The following ADORA2B variants were observed in gnomAD, a reference collection of about 807,000 sequenced individuals.
ADORA2B encodes adenosine receptor A2b.
ADORA2B carries 18 observed loss-of-function variants against 20.8 expected under a neutral mutation model. The observed-to-expected ratio is 0.87, with a 90% confidence interval of 0.60 to 1.29. The LOEUF is 1.29. Among genes scored for constraint, ADORA2B ranks in the 50% most tolerant of loss-of-function variants. The pLI is 0.00. For missense variants in ADORA2B, 441 were observed against 422.7 expected, an observed-to-expected ratio of 1.04 and a Z score of -0.38; for synonymous variants, 179 against 178.3, an observed-to-expected ratio of 1.00 and a Z score of -0.03.
chr17:15,865,052 TA>T, the ADORA2B span, among the ~76,000 whole-genome samples: 5 of 151,926 alleles, frequency 3.3e-5, no homozygotes, highest in Non-Finnish European at 7.4e-5. Context: ...AGGCCCTACA[TA>T]AATGAGCCTC....
chr17:15,975,366 A>G lies in ADORA2B; in HGVS notation c.*24A>G. ...GATCTAGGCTCTCGCCTCTTCCAGG[A>G]GAAGATACAAATCCACAAGAAACAA... On this transcript the variant is annotated 3_prime_UTR_variant, in exon 2 of 2. Coordinates refer to ENST00000304222, the MANE Select transcript of ADORA2B (RefSeq NM_000676.4). 1.3e-6 allele frequency: 2 copies of G among 1,591,908 alleles called. No individual in the cohort carries two copies. Among genetic ancestry groups the G allele is most frequent in the East Asian group, 2.2e-5 (1 of 44,660 alleles).
chr17:15,946,119 AGCTTCAGAACGTGTCT>A (rs1478989051), intron 1 of ADORA2B, among the ~76,000 whole-genome samples: 1 of 152,220 alleles, frequency 6.6e-6, no homozygotes, highest in East Asian at 1.9e-4. Flanking sequence ...CGCATGAGCC[AGCTTCAGAACGTGTCT>A]GCTGCGGAGA....
At chr17:15,956,712 C>T (rs1969971129) in intron 1 of ADORA2B, among the ~76,000 whole-genome samples, 1 of 149,702 alleles carries the variant, frequency 6.7e-6, no homozygotes. Flanking sequence ...TCTCTTGCCT[C>T]AGCCTCCCAA....
At chr17:15,924,748 AAAAGTT>A in the ADORA2B span, among the ~76,000 whole-genome samples, 23,710 of 139,254 alleles carry the variant, frequency 0.17, 2,057 homozygotes, top group Non-Finnish European at 0.2. Flanking sequence ...TCAAAAAAAA[AAAAGTT>A]AAGTAGTATT....
the ADORA2B span, among the ~76,000 whole-genome samples, chr17:15,909,206 C>T: frequency 1.3e-5 from 2 of 151,394 alleles, no homozygotes; most frequent in Non-Finnish European, 2.9e-5. Context: ...AAAAAAACAG[C>T]AACAACAACA....
chr17:15,943,729 C>CACATACA (rs1394549062), upstream of ADORA2B, among the ~76,000 whole-genome samples: 2 of 152,208 alleles, frequency 1.3e-5, no homozygotes, highest in Non-Finnish European at 2.9e-5. Flanking sequence ...AACCGTACAA[C>CACATACA]CATCACCACA....
the ADORA2B span, among the ~76,000 whole-genome samples, chr17:15,883,989 G>A: frequency 1.3e-5 from 2 of 152,196 alleles, no homozygotes; most frequent in Non-Finnish European, 2.9e-5. Flanking sequence ...CCATGAGTCA[G>A]GCATTTTATA....
At chr17:15,951,867 C>G (rs1052155121) in intron 1 of ADORA2B, among the ~76,000 whole-genome samples, 3 of 152,170 alleles carry the variant, frequency 2.0e-5, no homozygotes, top group African/African-American at 4.8e-5. Context: ...AGGGCCCGCT[C>G]AAGCCACCCT....
At chr17:15,914,556 CAT>C in the ADORA2B span, among the ~76,000 whole-genome samples, 2 of 152,338 alleles carry the variant, frequency 1.3e-5, no homozygotes, top group East Asian at 1.9e-4. Flanking sequence ...AGCCAATAAT[CAT>C]GTGCCCCAGA....
the ADORA2B span, among the ~76,000 whole-genome samples, chr17:15,867,655 A>G: frequency 2.6e-3 from 380 of 145,764 alleles, 3 homozygotes; most frequent in African/African-American, 9.3e-3. Flanking sequence ...CAGCCGCCCC[A>G]TCCGGGAGGG....
At chr17:15,855,960 A>C in the ADORA2B span, among the ~76,000 whole-genome samples, 47 of 151,674 alleles carry the variant, frequency 3.1e-4, no homozygotes, top group Admixed American at 2.1e-3. Context: ...TGCCCTCCCC[A>C]CAACCTCTGG....
chr17:15,918,652 A>G, the ADORA2B span, among the ~76,000 whole-genome samples: 3,628 of 152,040 alleles, frequency 0.024, 62 homozygotes, highest in Non-Finnish European at 0.033. Flanking sequence ...TTGTATTTTT[A>G]GTAGATATGG....
the ADORA2B span, among the ~76,000 whole-genome samples, chr17:15,936,219 G>T: frequency 1.3e-5 from 2 of 151,746 alleles, no homozygotes; most frequent in Non-Finnish European, 2.9e-5. Context: ...ATATCTATTT[G>T]ATTCTTCATC....
At chr17:15,927,192 C>CA in the ADORA2B span, among the ~76,000 whole-genome samples, 1 of 150,624 alleles carries the variant, frequency 6.6e-6, no homozygotes, top group African/African-American at 2.4e-5. Context: ...ACTAAAAATA[C>CA]AAAAAATTAG....
chr17:15,926,464 G>A, the ADORA2B span, among the ~76,000 whole-genome samples: 3 of 152,044 alleles, frequency 2.0e-5, no homozygotes, highest in African/African-American at 7.2e-5. Flanking sequence ...AAAGGTATGC[G>A]GGGGGAACCA....
At chr17:15,912,700 C>T in the ADORA2B span, among the ~76,000 whole-genome samples, 1 of 152,328 alleles carries the variant, frequency 6.6e-6, no homozygotes, top group Non-Finnish European at 1.5e-5. Context: ...CATATGCAGG[C>T]ATATGTGAAC....
In ADORA2B at chr17:15,975,098, C is replaced by T. The variant is rs1485535329; in HGVS notation, c.755C>T (p.Ala252Val). 6.2e-7 allele frequency: 1 copy of T among 1,614,130 alleles called. No individual in the cohort carries two copies. Among genetic ancestry groups the T allele is most frequent in the Non-Finnish European group, 8.5e-7 (1 of 1,180,000 alleles). The change falls in exon 2 of 2, where the codon GCT becomes GTT. Residue 252 changes from alanine to valine, a missense_variant. Coordinates refer to ENST00000304222, the MANE Select transcript of ADORA2B (RefSeq NM_000676.4). ...GCCCTGTGCTGGTTACCTGTGCATG[C>T]TGTTAACTGTGTCACTCTTTTCCAG... The part of the protein sequence containing the change: ...IFALCWLPVH[A>V]VNCVTLFQPA...
the ADORA2B span, among the ~76,000 whole-genome samples, chr17:15,888,835 T>C: frequency 3.0e-4 from 6 of 19,906 alleles, 1 homozygote; most frequent in Non-Finnish European, 4.9e-4. Context: ...TATATATATA[T>C]ATATATATAT....
the ADORA2B span, among the ~76,000 whole-genome samples, chr17:15,864,767 C>T: frequency 6.6e-6 from 1 of 151,996 alleles, no homozygotes; most frequent in Non-Finnish European, 1.5e-5. Flanking sequence ...GGGATACTTG[C>T]AACCTTGGTT....
Sources: allele counts gnomAD v4.1 joint callset (sites outside exome capture counted in the v4.1 genomes callset), GRCh38; gene constraint gnomAD v4.1.1; transcripts MANE v1.5; gene names NCBI Gene and HGNC (gene_info 2026-07-23, HGNC 2026-07-21).